CPNE4: variants seen among roughly 807,000 people sequenced by gnomAD.
CPNE4 encodes the protein copine 4.
A neutral mutation model predicts 67.9 loss-of-function variants in CPNE4; 25 were observed. The ratio of observed to expected loss-of-function variants is 0.37; its 90% CI spans 0.27 to 0.51. The LOEUF (loss-of-function observed/expected upper bound fraction) is 0.51. Among genes scored for constraint, CPNE4 ranks in the 20% least tolerant of loss-of-function variants. The pLI, the probability that CPNE4 is intolerant of heterozygous loss-of-function variation, is 0.93. For missense variants in CPNE4, 464 were observed against 690.8 expected, an observed-to-expected ratio of 0.67 and a Z score of 3.68; for synonymous variants, 242 against 244.9, an observed-to-expected ratio of 0.99 and a Z score of 0.11.
chr3:131,825,479 G>A (rs2085119429), intron 2 of CPNE4, among the ~76,000 whole-genome samples: 1 of 144,662 alleles, frequency 6.9e-6, no homozygotes, highest in Non-Finnish European at 1.5e-5. Flanking sequence ...CTGGGAAACA[G>A]AGCGAGACTC....
chr3:131,963,100 G>A (rs2072232090), intron 1 of CPNE4, among the ~76,000 whole-genome samples: 1 of 152,042 alleles, frequency 6.6e-6, no homozygotes, highest in Non-Finnish European at 1.5e-5. Flanking sequence ...GCCCATGTAG[G>A]GCAAGCAGAA....
At chr3:131,833,296 T>C (rs2085444219) in intron 2 of CPNE4, among the ~76,000 whole-genome samples, 1 of 152,172 alleles carries the variant, frequency 6.6e-6, no homozygotes, top group Admixed American at 6.6e-5. Context: ...CTGGAAATGA[T>C]AGGGATAAGT....
chr3:131,579,909 T>C (rs766564933), intron 9 of CPNE4, among the ~76,000 whole-genome samples: 6 of 152,220 alleles, frequency 3.9e-5, no homozygotes, highest in Non-Finnish European at 7.3e-5. Flanking sequence ...ATTCCCTAAA[T>C]TTAGTTGATA....
chr3:131,955,410 GTTT>G (rs766033406), intron 1 of CPNE4, among the ~76,000 whole-genome samples: 2 of 42,268 alleles, frequency 4.7e-5, no homozygotes, highest in Non-Finnish European at 8.9e-5. Flanking sequence ...TGTATGTAAG[GTTT>G]TTTTTTTTTT....
intron 1 of CPNE4, among the ~76,000 whole-genome samples, chr3:131,932,329 A>G (rs2071086982): frequency 6.6e-6 from 1 of 152,190 alleles, no homozygotes; most frequent in South Asian, 2.1e-4. Context: ...CCTCTGTGTC[A>G]AAGTGAGCCC....
chr3:131,724,213 A>G (rs2081952988), intron 2 of CPNE4, among the ~76,000 whole-genome samples: 1 of 152,168 alleles, frequency 6.6e-6, no homozygotes, highest in Non-Finnish European at 1.5e-5. Flanking sequence ...TGAAGTAGAA[A>G]AACCATGAGA....
chr3:131,538,775 G>T (rs924662407), intron 15 of CPNE4: 6 of 152,212 alleles, frequency 3.9e-5, no homozygotes, highest in African/African-American at 1.4e-4. Flanking sequence ...ATGAGAGTGG[G>T]TTGTTATAAA....
At chr3:132,005,368 CACACAT>C (rs376829027) in intron 1 of CPNE4, among the ~76,000 whole-genome samples, 1,847 of 60,726 alleles carry the variant, frequency 0.03, 49 homozygotes, top group Middle Eastern at 0.068. Flanking sequence ...CACACACACA[CACACAT>C]ATATGTTTAT....
intron 1 of CPNE4, among the ~76,000 whole-genome samples, chr3:131,958,930 T>C (rs1171644779): frequency 6.9e-6 from 1 of 145,262 alleles, no homozygotes; most frequent in African/African-American, 2.6e-5. Flanking sequence ...AGTGCTACAA[T>C]CACAAACGTG....
At chr3:131,906,377 A>AT (rs1190134511) in intron 1 of CPNE4, among the ~76,000 whole-genome samples, 3 of 147,880 alleles carry the variant, frequency 2.0e-5, no homozygotes, top group Non-Finnish European at 4.5e-5. Context: ...AGCATTAGGT[A>AT]TATCTCCTAA....
rs373732434 is a variant in CPNE4, at chr3:131,703,002, A to G, written c.361-3022T>C. On this transcript the variant is annotated intron_variant, in intron 3 of 15. Transcript: ENST00000429747. ...TCAGGGTTTTGAATTTTTCATTGTA[A>G]TAATGATGGACAAGAAATGAGTTGC... Among the ~76,000 whole-genome samples the G allele has an allele frequency of 6.6e-5, 10 of 152,172 alleles. No individual in the cohort carries two copies. The South Asian group carries it at 1.2e-3, about 19-fold the overall frequency.
At chr3:131,715,415 T>C (rs6802186) in intron 3 of CPNE4, among the ~76,000 whole-genome samples, 48,954 of 152,100 alleles carry the variant, frequency 0.32, 8,493 homozygotes, top group Non-Finnish European at 0.39. Flanking sequence ...AGATGCTACT[T>C]GATCATTTAT....
At chr3:131,789,848 T>C (rs1429566944) in intron 2 of CPNE4, among the ~76,000 whole-genome samples, 1 of 152,178 alleles carries the variant, frequency 6.6e-6, no homozygotes, top group African/African-American at 2.4e-5. Flanking sequence ...GTTAGAATTC[T>C]GCACAAGCAA....
intron 2 of CPNE4, among the ~76,000 whole-genome samples, chr3:131,900,782 G>A (rs2088524612): frequency 6.6e-6 from 1 of 152,016 alleles, no homozygotes; most frequent in South Asian, 2.1e-4. Flanking sequence ...TCTTGTAGTA[G>A]AGTCCACTGA....
chr3:131,669,816 T>TCACATTTC lies in CPNE4; in HGVS notation c.592-60_592-53dup, dbSNP rs763560160. On this transcript the variant is annotated intron_variant, in intron 6 of 15. Coordinates refer to ENST00000429747, the MANE Select transcript of CPNE4 (RefSeq NM_130808.3). ...AGTGGGGGAGAAATGCTTGACATTTTCACATTTCCACATTAAAACTGCTTG... is the reference window on the plus strand; with the variant it reads ...AGTGGGGGAGAAATGCTTGACATTTTCACATTTCCACATTTCCACATTAAAACTGCTTG... 16 of 1,386,824 alleles carry TCACATTTC rather than the reference T, an allele frequency of 1.2e-5. No homozygotes were observed. In the East Asian group the frequency reaches 3.7e-4, roughly 32 times the overall value. 85.9% of individuals were successfully genotyped at this position (1,386,824 alleles called of 1,614,324 possible).
intron 2 of CPNE4, among the ~76,000 whole-genome samples, chr3:131,869,474 T>C (rs1047687834): frequency 4.6e-5 from 7 of 152,200 alleles, no homozygotes; most frequent in Admixed American, 6.5e-5. Flanking sequence ...ACAGCTGTGA[T>C]AGCCCATTCA....
intron 2 of CPNE4, among the ~76,000 whole-genome samples, chr3:131,821,743 T>C (rs2084967835): frequency 6.6e-6 from 1 of 152,184 alleles, no homozygotes; most frequent in Admixed American, 6.5e-5. Context: ...TAACTGCAGT[T>C]TACTCATTTA....
intron 7 of CPNE4, among the ~76,000 whole-genome samples, chr3:131,588,621 T>C (rs944155013): frequency 5.9e-5 from 9 of 152,218 alleles, no homozygotes; most frequent in African/African-American, 2.2e-4. Flanking sequence ...GGATGCCTCA[T>C]AGATCTATAA....
At chr3:131,749,978 A>T (rs752288171) in intron 2 of CPNE4, among the ~76,000 whole-genome samples, 1 of 152,158 alleles carries the variant, frequency 6.6e-6, no homozygotes, top group Non-Finnish European at 1.5e-5. Flanking sequence ...CTGCTGTGCC[A>T]TGACATTGTG....
Sources: gnomAD v4.1 joint callset for allele counts (sites outside exome capture counted in the v4.1 genomes callset) on GRCh38, gnomAD v4.1.1 for gene constraint, MANE v1.5 for transcripts, NCBI Gene and HGNC (gene_info 2026-07-23, HGNC 2026-07-21) for gene names.